ABR: variants seen among roughly 807,000 people sequenced by gnomAD.
ABR encodes the protein ABR activator of RhoGEF and GTPase.
ABR carries 35 observed loss-of-function variants against 107.2 expected under a neutral mutation model. The ratio of observed to expected loss-of-function variants is 0.33; its 90% CI spans 0.25 to 0.43. ABR has a LOEUF of 0.43. Ranked by LOEUF, ABR falls within the 20% of genes least tolerant of loss-of-function variation. The pLI is 1.00. For missense variants in ABR, 815 were observed against 1,115.2 expected, an observed-to-expected ratio of 0.73 and a Z score of 3.83; for synonymous variants, 498 against 462.0, an observed-to-expected ratio of 1.08 and a Z score of -1.00.
intron 1 of ABR, among the ~76,000 whole-genome samples, chr17:1,127,033 T>TCACCGGGA (rs1251624977): frequency 6.6e-6 from 1 of 152,146 alleles, no homozygotes; most frequent in African/African-American, 2.4e-5. Flanking sequence ...TGTCAACAGG[T>TCACCGGGA]CACCGGGACG....
intron 2 of ABR, among the ~76,000 whole-genome samples, chr17:1,108,678 C>A (rs866677778): frequency 6.6e-6 from 1 of 152,210 alleles, no homozygotes; most frequent in South Asian, 2.1e-4. Context: ...GACAGGCGCG[C>A]CAGGTGACTC....
intron 1 of ABR, among the ~76,000 whole-genome samples, chr17:1,171,159 G>T (rs1179886719): frequency 1.3e-5 from 2 of 152,212 alleles, no homozygotes; most frequent in African/African-American, 4.8e-5. Flanking sequence ...AAGTGACGAA[G>T]TCAATTGCGG....
intron 1 of ABR, among the ~76,000 whole-genome samples, chr17:1,213,724 T>C (rs918698599): frequency 6.6e-6 from 1 of 151,204 alleles, no homozygotes; most frequent in African/African-American, 2.4e-5. Flanking sequence ...AGTCCTTCTG[T>C]GCTAGCTTCT....
chr17:1,015,813 C>G (rs1266439079), intron 16 of ABR, among the ~76,000 whole-genome samples: 2 of 152,182 alleles, frequency 1.3e-5, no homozygotes, highest in East Asian at 1.9e-4. Flanking sequence ...GTGGAATGCT[C>G]TCTCAATGAG....
intron 14 of ABR, among the ~76,000 whole-genome samples, chr17:1,054,192 G>A (rs940921629): frequency 3.9e-5 from 6 of 152,212 alleles, no homozygotes; most frequent in Non-Finnish European, 8.8e-5. Flanking sequence ...AGAGCGGACC[G>A]TGAGACTGAG....
At chr17:1,031,269 G>A (rs572616258) in intron 16 of ABR, among the ~76,000 whole-genome samples, 3 of 152,286 alleles carry the variant, frequency 2.0e-5, no homozygotes, top group East Asian at 1.9e-4. Flanking sequence ...TGAACAGGGC[G>A]GCAAGACATA....
chr17:1,147,294 G>A (rs114252729), intron 1 of ABR, among the ~76,000 whole-genome samples: 2,138 of 152,202 alleles, frequency 0.014, 52 homozygotes, highest in African/African-American at 0.049. Flanking sequence ...CAGGACCACT[G>A]TGAGCAAGCA....
At chr17:1,226,278 C>T (rs76174552) in intron 1 of ABR, among the ~76,000 whole-genome samples, 1,655 of 152,316 alleles carry the variant, frequency 0.011, 10 homozygotes, top group Non-Finnish European at 0.017. Flanking sequence ...AGTGCGAAAA[C>T]GCCTTCCCTT....
chr17:1,122,645 T>G (rs2039402779), intron 2 of ABR, among the ~76,000 whole-genome samples: 1 of 152,230 alleles, frequency 6.6e-6, no homozygotes, highest in Non-Finnish European at 1.5e-5. Context: ...GGACTTGGAC[T>G]GGAACCAATA....
chr17:1,155,559 C>T (rs1309017395), intron 1 of ABR, among the ~76,000 whole-genome samples: 4 of 152,152 alleles, frequency 2.6e-5, no homozygotes, highest in African/African-American at 9.7e-5. Context: ...CGCACGTCAT[C>T]AATGAACACT....
At chr17:1,115,048 CA>C (rs1472785394) in intron 2 of ABR, among the ~76,000 whole-genome samples, 9 of 152,098 alleles carry the variant, frequency 5.9e-5, no homozygotes, top group African/African-American at 1.9e-4. Flanking sequence ...GCAGGGGGTC[CA>C]GGGGTCAGGT....
chr17:1,087,546 G>T (rs991249545), intron 4 of ABR, among the ~76,000 whole-genome samples: 2 of 152,022 alleles, frequency 1.3e-5, no homozygotes, highest in East Asian at 3.9e-4. Flanking sequence ...TTAAAAGAGG[G>T]CGGGGCCTGA....
chr17:1,086,188 A>C (rs1452033110), intron 4 of ABR, among the ~76,000 whole-genome samples: 3 of 152,268 alleles, frequency 2.0e-5, no homozygotes, highest in African/African-American at 7.2e-5. Context: ...ATGTGAAATG[A>C]TGTACGTGGC....
At chr17:1,042,488 A>C (rs1441065597) in intron 16 of ABR, among the ~76,000 whole-genome samples, 2 of 150,826 alleles carry the variant, frequency 1.3e-5, no homozygotes, top group African/African-American at 2.4e-5. Context: ...GTGGGTGGAC[A>C]AACAGATATG....
intron 1 of ABR, among the ~76,000 whole-genome samples, chr17:1,171,696 C>G (rs2041715997): frequency 6.6e-6 from 1 of 152,164 alleles, no homozygotes; most frequent in Admixed American, 6.5e-5. Flanking sequence ...CTTTGGGAGG[C>G]CGAGGTGGGC....
chr17:1,140,826 G>A (rs528753080), intron 1 of ABR, among the ~76,000 whole-genome samples: 3 of 152,012 alleles, frequency 2.0e-5, no homozygotes, highest in South Asian at 2.1e-4. Flanking sequence ...CAAGTGATCC[G>A]CCCACCTCGG....
intron 4 of ABR, among the ~76,000 whole-genome samples, chr17:1,087,028 T>G (rs1276047828): frequency 6.6e-6 from 1 of 152,074 alleles, no homozygotes; most frequent in Non-Finnish European, 1.5e-5. Context: ...ACCAAATTCA[T>G]GCCAGTAGCT....
intron 10 of ABR, among the ~76,000 whole-genome samples, chr17:1,059,360 G>A (rs149089551): frequency 1.9e-3 from 288 of 152,266 alleles, no homozygotes; most frequent in East Asian, 0.012. Context: ...ACCTCTCCAC[G>A]TGGCCCTGGG....
At chr17:1,074,213 C>T (rs919915319) in intron 6 of ABR, among the ~76,000 whole-genome samples, 9 of 149,374 alleles carry the variant, frequency 6.0e-5, no homozygotes, top group Non-Finnish European at 1.2e-4. Context: ...CACGCAGGAC[C>T]CCAGAATCAC....
Sources: gnomAD v4.1 joint callset for allele counts (sites outside exome capture counted in the v4.1 genomes callset) on GRCh38, gnomAD v4.1.1 for gene constraint, MANE v1.5 for transcripts, NCBI Gene and HGNC (gene_info 2026-07-23, HGNC 2026-07-21) for gene names.